Variants in MAP7 observed in about 807,000 individuals in gnomAD.
MAP7 encodes the protein microtubule associated protein 7.
In MAP7, 52 loss-of-function variants were observed where a neutral mutation model predicts 94.8. The ratio of observed to expected loss-of-function variants is 0.55; its 90% CI spans 0.44 to 0.69. The LOEUF (loss-of-function observed/expected upper bound fraction) is 0.69, where lower values mean the gene tolerates loss of function less well. Among genes scored for constraint, MAP7 ranks in the 30% least tolerant of loss-of-function variants. The pLI is 0.00. For missense variants in MAP7, 940 were observed against 964.6 expected (o/e 0.97, Z 0.34); for synonymous variants, 350 against 357.0 (o/e 0.98, Z 0.22).
rs1786906682 is a variant in MAP7, at chr6:136,343,304, C to A, written c.*924G>T. 1 of 152,572 alleles carries A rather than the reference C, an allele frequency of 6.6e-6. No individual in the cohort carries two copies. The highest frequency in any genetic ancestry group is 1.5e-5 in the Non-Finnish European group (1 of 68,022). The allele number at this position is 152,572 out of a possible 1,614,324, so 9.5% of individuals were successfully genotyped here. A position where few individuals can be genotyped will look rare whatever the true frequency, so the allele number is the denominator to read the frequency against. ...GCTCTTAAACGAGCAAAACCAAATT[C>A]TTTTTCTATTTAAAGAAATATTAAA... On this transcript the variant is annotated 3_prime_UTR_variant, in exon 18 of 18. Coordinates refer to ENST00000354570, the MANE Select transcript of MAP7 (RefSeq NM_003980.6).
intron 1 of MAP7, among the ~76,000 whole-genome samples, chr6:136,504,642 C>T (rs1044140850): frequency 2.6e-5 from 4 of 152,044 alleles, no homozygotes; most frequent in Non-Finnish European, 5.9e-5. Context: ...CCGCATCCAG[C>T]CCATTTCCCA....
At chr6:136,423,053 A>G (rs957732784) in intron 1 of MAP7, among the ~76,000 whole-genome samples, 2 of 152,190 alleles carry the variant, frequency 1.3e-5, no homozygotes, top group Non-Finnish European at 2.9e-5. Flanking sequence ...TGAAAGATTA[A>G]CTGAGAAGAC....
intron 16 of MAP7, among the ~76,000 whole-genome samples, chr6:136,350,120 A>C (rs1390445504): frequency 6.6e-6 from 1 of 152,188 alleles, no homozygotes; most frequent in Non-Finnish European, 1.5e-5. Context: ...TTTCTAGCAA[A>C]AATAAATTCT....
chr6:136,372,651 T>C, intron 7 of MAP7, 26 bp from the exon 8 acceptor site: 3 of 1,614,016 alleles, frequency 1.9e-6, no homozygotes, highest in Non-Finnish European at 2.5e-6. Context: ...TGGGGATAAC[T>C]AGGGTGCAGG....
At chr6:136,491,508 G>A (rs977889858) in intron 1 of MAP7, among the ~76,000 whole-genome samples, 1 of 152,134 alleles carries the variant, frequency 6.6e-6, no homozygotes, top group East Asian at 1.9e-4. Context: ...TACTTCAGGC[G>A]GTGGGCAGCC....
intron 3 of MAP7, among the ~76,000 whole-genome samples, chr6:136,402,823 G>A (rs979500831): frequency 1.4e-5 from 2 of 143,448 alleles, no homozygotes; most frequent in African/African-American, 2.6e-5. Context: ...GGAGAATGGC[G>A]TGAACCTGGG....
At chr6:136,479,120 C>T (rs1337322730) in intron 1 of MAP7, among the ~76,000 whole-genome samples, 2 of 151,982 alleles carry the variant, frequency 1.3e-5, no homozygotes, top group African/African-American at 2.4e-5. Flanking sequence ...AAATCCTCAA[C>T]ATAATACTAG....
chr6:136,517,537 G>A (rs1825210486), intron 1 of MAP7, among the ~76,000 whole-genome samples: 1 of 152,178 alleles, frequency 6.6e-6, no homozygotes, highest in South Asian at 2.1e-4. Context: ...AATAAGCTAA[G>A]TGCTTGTGTA....
intron 3 of MAP7, among the ~76,000 whole-genome samples, chr6:136,405,349 G>A (rs1217770684): frequency 1.3e-5 from 2 of 152,204 alleles, no homozygotes. Context: ...CTGGTTTGAG[G>A]GAGCTGAAAA....
intron 3 of MAP7, among the ~76,000 whole-genome samples, chr6:136,392,805 A>G (rs1252123690): frequency 6.6e-6 from 1 of 152,210 alleles, no homozygotes; most frequent in Non-Finnish European, 1.5e-5. Flanking sequence ...AGTATGATAA[A>G]TCTACTTTTT....
rs773537487 is a variant in MAP7, at chr6:136,550,359, G to A, written c.50C>T (p.Ala17Val). Residue 17 changes from alanine (A) to valine (V), a missense_variant, in exon 1 of 18, where the codon GCA becomes GTA. Transcript: ENST00000354570. The surrounding 1 kb of genome is among the most constrained non-coding windows in gnomAD (Gnocchi z 5.1). ...GGDGHRGGDG[A>V]VRSETAPDSY... ...GCGGTCACCTGTTTCGCTTCGCACT[G>A]CGCCGTCGCCGCCCCTGTGGCCGTC... 89 of 1,529,510 alleles carry A rather than the reference G, an allele frequency of 5.8e-5. No homozygotes were observed. In the Middle Eastern group the frequency reaches 1.9e-3, roughly 32 times the overall value. The allele number at this position is 1,529,510 out of a possible 1,614,324, so 94.7% of individuals were successfully genotyped here. A position where few individuals can be genotyped will look rare whatever the true frequency, so the allele number is the denominator to read the frequency against.
chr6:136,422,102 G>A (rs1172746948), intron 1 of MAP7, among the ~76,000 whole-genome samples: 1 of 152,224 alleles, frequency 6.6e-6, no homozygotes, highest in Admixed American at 6.5e-5. Context: ...CACGACTGGA[G>A]TCTAAAGTCT....
chr6:136,457,359 C>T (rs887208137), intron 1 of MAP7, among the ~76,000 whole-genome samples: 2 of 150,504 alleles, frequency 1.3e-5, no homozygotes, highest in African/African-American at 4.9e-5. Flanking sequence ...AAGCTCAGGA[C>T]CAGATGGCTT....
chr6:136,538,523 C>A (rs904763665), intron 1 of MAP7, among the ~76,000 whole-genome samples: 5 of 152,162 alleles, frequency 3.3e-5, no homozygotes, highest in African/African-American at 7.2e-5. Context: ...CGGTGGCTCA[C>A]GCCTGTAATC....
chr6:136,392,386 T>C (rs1479750249), intron 3 of MAP7, among the ~76,000 whole-genome samples: 1 of 125,966 alleles, frequency 7.9e-6, no homozygotes, highest in Non-Finnish European at 1.6e-5. Flanking sequence ...GCCTGCATCT[T>C]GCTTTTTTTT....
At chr6:136,380,896 T>G (rs369969170) in intron 6 of MAP7, among the ~76,000 whole-genome samples, 6 of 152,368 alleles carry the variant, frequency 3.9e-5, no homozygotes, top group Admixed American at 2.0e-4. Flanking sequence ...TATTTCAGTA[T>G]TTTTAATAAC....
At chr6:136,459,604 G>A (rs1028969801) in intron 1 of MAP7, among the ~76,000 whole-genome samples, 1 of 152,098 alleles carries the variant, frequency 6.6e-6, no homozygotes, top group Admixed American at 6.6e-5. Context: ...CCTGCCATAT[G>A]GATATCTCTA....
chr6:136,428,241 C>T (rs186052112), intron 1 of MAP7, among the ~76,000 whole-genome samples: 97 of 152,228 alleles, frequency 6.4e-4, no homozygotes, highest in Admixed American at 4.8e-3. Flanking sequence ...ATAGGCTGGG[C>T]GTGGTGGCTC....
At position 136,360,996 on chromosome 6, in the gene MAP7, C is replaced by T. The variant is rs1460988237; in HGVS notation, c.1701+9G>A. ...CTGGGGCCGGGGCCAGGGTGGGGTG[C>T]GGCCGCACCTGCCTCTGGGCGCGCT... On this transcript the variant is annotated intron_variant, in intron 12 of 17. Coordinates refer to ENST00000354570, the MANE Select transcript of MAP7 (RefSeq NM_003980.6). The T allele has an allele frequency of 2.6e-6, 4 of 1,560,120 alleles. No individual in the cohort carries two copies. Among genetic ancestry groups the T allele is most frequent in the East Asian group, 2.3e-5 (1 of 42,962 alleles).
Sources: allele counts gnomAD v4.1 joint callset (sites outside exome capture counted in the v4.1 genomes callset), GRCh38; gene constraint gnomAD v4.1.1; non-coding constraint Gnocchi (gnomAD v3.1); transcripts MANE v1.5; gene names NCBI Gene and HGNC (gene_info 2026-07-23, HGNC 2026-07-21).